The following GABRE variants were observed in gnomAD, a reference collection of about 807,000 sequenced individuals.
GABRE encodes gamma-aminobutyric acid type A receptor subunit epsilon.
In GABRE, 20 loss-of-function variants were observed where a neutral mutation model predicts 31.0. The observed-to-expected ratio is 0.64, with a 90% CI of 0.45 to 0.94. The LOEUF (loss-of-function observed/expected upper bound fraction) is 0.94. Among genes scored for constraint, GABRE ranks in the 40% least tolerant of loss-of-function variants. The pLI is 0.00. For missense variants in GABRE, 420 were observed against 410.7 expected (o/e 1.02, Z -0.20); for synonymous variants, 155 against 150.6 (o/e 1.03, Z -0.21).
intron 3 of GABRE, among the ~76,000 whole-genome samples, chrX:151,968,952 G>A (rs1388253908): frequency 5.3e-5 from 6 of 112,266 alleles, no homozygotes; most frequent in African/African-American, 1.6e-4. Flanking sequence ...TGCCATGAAT[G>A]AGATGCTGTC....
chrX:151,959,930 C>A lies in GABRE; in HGVS notation c.693G>T (p.Lys231Asn), dbSNP rs1278672928. Residue 231 changes from lysine (K) to asparagine (N), a missense_variant, in exon 6 of 9, where the codon AAG becomes AAT. By Grantham distance (94) the Lys-to-Asn change is moderately conservative (BLOSUM62 0). Coordinates refer to ENST00000370328, the MANE Select transcript of GABRE (RefSeq NM_004961.4). Reference sequence around the variant, plus strand: ...AGGAGTTCTTCTCATTGATTTCAAGCTTGAAATTTTCCCACTTGTAGATCA... The same window carrying A: ...AGGAGTTCTTCTCATTGATTTCAAGATTGAAATTTTCCCACTTGTAGATCA... ...NEMIYKWENF[K>N]LEINEKNSWK... 2 of 1,209,329 alleles carry A rather than the reference C, an allele frequency of 1.7e-6. No individual in the cohort carries two copies. The highest frequency in any genetic ancestry group is 1.1e-6 in the Non-Finnish European group (1 of 893,500).
intron 3 of GABRE, among the ~76,000 whole-genome samples, chrX:151,965,159 T>C: frequency 9.0e-6 from 1 of 111,243 alleles, no homozygotes; most frequent in East Asian, 2.8e-4. Context: ...TCAGGGGAGC[T>C]GGGGGGGAAA....
chrX:151,957,428 C>T (rs918187844), intron 6 of GABRE: 14 of 328,597 alleles, frequency 4.3e-5, no homozygotes, highest in African/African-American at 1.3e-4. Flanking sequence ...GGACCACCCT[C>T]GCACTTGCCT....
At chrX:151,974,343 T>C (rs192540867) in intron 1 of GABRE, among the ~76,000 whole-genome samples, 1 of 111,455 alleles carries the variant, frequency 9.0e-6, no homozygotes, top group East Asian at 2.9e-4. Flanking sequence ...CTGTCTTCCT[T>C]TTGGAGCTCC....
At chrX:151,971,449 A>G (rs1399324632) in intron 1 of GABRE, 2 of 189,985 alleles carry the variant, frequency 1.1e-5, no homozygotes, top group Admixed American at 1.3e-4. Context: ...AGATTTGAAC[A>G]CTGAGTGGAC....
chrX:151,969,465 T>G lies in GABRE; in HGVS notation c.342+204A>C, dbSNP rs775798102. 8.9e-6 allele frequency: 3 copies of G among 335,250 alleles called. 1 individual carries two copies. The highest frequency in any genetic ancestry group is 2.9e-4 in the South Asian group (2 of 6,902). 27.6% of individuals were successfully genotyped at this position (335,250 alleles called of 1,213,427 possible). On this transcript the variant is annotated intron_variant, in intron 3 of 8. Coordinates refer to ENST00000370328, the MANE Select transcript of GABRE (RefSeq NM_004961.4). ...AAAAAACTGGAAGATATGGTCATGATTCTGAAGATCCTCTTCAAGTAGCAA... is the reference window on the plus strand; with the variant it reads ...AAAAAACTGGAAGATATGGTCATGAGTCTGAAGATCCTCTTCAAGTAGCAA...
At chrX:151,970,509 C>G in intron 1 of GABRE, 107 bp from the exon 2 acceptor site, 1 of 935,989 alleles carries the variant, frequency 1.1e-6, no homozygotes, top group East Asian at 3.3e-5. Flanking sequence ...AACACAAAAC[C>G]TAGTTAAATT....
chrX:151,972,332 C>T (rs2124185773), intron 1 of GABRE: 1 of 754,014 alleles, frequency 1.3e-6, no homozygotes, highest in Non-Finnish European at 1.6e-6. Flanking sequence ...AGAAGATGTC[C>T]TCTTTCCCTG....
At chrX:151,974,015 T>G (rs1484766215) in intron 1 of GABRE, among the ~76,000 whole-genome samples, 2 of 110,591 alleles carry the variant, frequency 1.8e-5, no homozygotes, top group South Asian at 4.0e-4. Context: ...AGCAGCGGCA[T>G]GGGAAGCAAG....
rs971126833 is a variant in GABRE at position 151,970,053 on chromosome X, C to A, written c.274+132G>T. On this transcript the variant is annotated intron_variant, in intron 2 of 8. Coordinates refer to ENST00000370328, the MANE Select transcript of GABRE (RefSeq NM_004961.4). Reference sequence around the variant, plus strand: ...TGAGAATAGAGTTAATATCTCTTACCTGACAGGTCAATAGCAGATGTTCCT... The same window carrying A: ...TGAGAATAGAGTTAATATCTCTTACATGACAGGTCAATAGCAGATGTTCCT... 2.7e-6 allele frequency: 3 copies of A among 1,124,379 alleles called. No homozygotes were observed. In the African/African-American group the frequency reaches 5.5e-5, roughly 21 times the overall value. 92.7% of individuals were successfully genotyped at this position (1,124,379 alleles called of 1,213,427 possible).
At chrX:151,969,349 C>T in intron 3 of GABRE, 1 of 176,323 alleles carries the variant, frequency 5.7e-6, no homozygotes, top group Non-Finnish European at 1.1e-5. Context: ...GAGCTAGTAA[C>T]TTTAGACTTA....
chrX:151,971,080 G>C, intron 1 of GABRE: 7 of 826,982 alleles, frequency 8.5e-6, no homozygotes, highest in Non-Finnish European at 1.0e-5. Flanking sequence ...AAGAAGATTA[G>C]TAAGAATAAT....
chrX:151,974,355 C>T (rs973903117), intron 1 of GABRE, among the ~76,000 whole-genome samples: 52 of 111,775 alleles, frequency 4.7e-4, no homozygotes, highest in Non-Finnish European at 8.7e-4. Context: ...TGGAGCTCCC[C>T]CTCAAGGACC....
rs1418741714 is a variant in GABRE, at chrX:151,954,146, G to A, written c.*555C>T. The A allele has an allele frequency of 8.9e-6, 1 of 111,782 alleles. No homozygotes were observed. Among genetic ancestry groups the A allele is most frequent in the African/African-American group, 3.3e-5 (1 of 30,694 alleles). The allele number at this position is 111,782 out of a possible 1,213,427, so 9.2% of individuals were successfully genotyped here. A position where few individuals can be genotyped will look rare whatever the true frequency, so the allele number is the denominator to read the frequency against. The stretch of plus-strand genomic sequence containing the variant: ...CTATCTGCAGAGAAAGGGGTAGCAG[G>A]GAGAGAGAACTGAGAACATAATAAT... On this transcript the variant is annotated 3_prime_UTR_variant, in exon 9 of 9. Transcript: ENST00000370328.
At chrX:151,973,215 A>T (rs1162899153) in intron 1 of GABRE, among the ~76,000 whole-genome samples, 1 of 110,139 alleles carries the variant, frequency 9.1e-6, no homozygotes, top group African/African-American at 3.3e-5. Context: ...CTCTTTCCTG[A>T]CACCACAGGT....
chrX:151,954,777 T>A lies in GABRE; in HGVS notation c.1445A>T (p.Asn482Ile), dbSNP rs758189080. The change falls in exon 9 of 9, where the codon AAC (asparagine) becomes ATC (isoleucine). Residue 482 changes from asparagine (N) to isoleucine (I), a missense_variant. Coordinates refer to ENST00000370328, the MANE Select transcript of GABRE (RefSeq NM_004961.4). Reference sequence around the variant, plus strand: ...CACTGGGAAAACAACTCTCGAGTAGTTATCCAGGCGGTAGACATGGATGCA... The same window carrying A: ...CACTGGGAAAACAACTCTCGAGTAGATATCCAGGCGGTAGACATGGATGCA... ...RLCIHVYRLD[N>I]YSRVVFPVTF... The A allele has an allele frequency of 1.7e-6, 2 of 1,210,007 alleles. No individual in the cohort carries two copies. The highest frequency in any genetic ancestry group is 5.9e-5 in the East Asian group (2 of 33,748).
chrX:151,967,759 A>G (rs745793345), intron 3 of GABRE, among the ~76,000 whole-genome samples: 4 of 112,356 alleles, frequency 3.6e-5, no homozygotes, highest in Non-Finnish European at 5.6e-5. Flanking sequence ...CAGAAACTCA[A>G]AAACATCTAT....
At chrX:151,957,827 G>T (rs1934224765) in intron 6 of GABRE, 2 of 184,731 alleles carry the variant, frequency 1.1e-5, no homozygotes, top group Non-Finnish European at 2.0e-5. Context: ...CCAGATCATG[G>T]TTGGTCACTG....
At chrX:151,958,952 C>A (rs1934267246) in intron 6 of GABRE, 1 of 317,389 alleles carries the variant, frequency 3.2e-6, no homozygotes, top group South Asian at 2.7e-5. Flanking sequence ...AGCAGATTTT[C>A]TGCCTAGTCA....
Sources: allele counts gnomAD v4.1 joint callset (sites outside exome capture counted in the v4.1 genomes callset), GRCh38; gene constraint gnomAD v4.1.1; transcripts MANE v1.5; gene names NCBI Gene and HGNC (gene_info 2026-07-23, HGNC 2026-07-21).